CNTLN: variants seen among roughly 807,000 people sequenced by gnomAD.
CNTLN encodes the protein centlein, centrosomal protein.
Under a neutral mutation model 180.0 loss-of-function variants are expected in CNTLN, and 212 were observed. That is an observed-to-expected ratio of 1.18 (90% CI 1.05 to 1.32). CNTLN has a LOEUF of 1.32. Among genes scored for constraint, CNTLN ranks in the 40% most tolerant of loss-of-function variants. CNTLN has a pLI of 0.00. For synonymous variants in CNTLN, 722 were observed against 563.1 expected, an observed-to-expected ratio of 1.28 and a Z score of -3.99; for missense variants, 2,095 against 1,610.9, an observed-to-expected ratio of 1.30 and a Z score of -5.14.
chr9:17,298,889 C>T, intron 7 of CNTLN: 1 of 985,318 alleles, frequency 1.0e-6, no homozygotes, highest in Non-Finnish European at 1.2e-6. Flanking sequence ...AGAAGGTTTA[C>T]CCAAGTATTT....
chr9:17,506,554 G>A (rs1833935735), downstream of CNTLN, among the ~76,000 whole-genome samples: 1 of 152,004 alleles, frequency 6.6e-6, no homozygotes, highest in African/African-American at 2.4e-5. Context: ...ATTCTTCAAC[G>A]CTAGCCCTTA....
Position 17,298,263 on chromosome 9 carries a change from C to A in CNTLN, c.1057C>A (p.Gln353Lys). Residue 353 changes from glutamine to lysine, a missense_variant, in exon 7 of 26, where the codon CAG (glutamine) becomes AAG (lysine). By Grantham distance (53) the Gln-to-Lys change is moderately conservative (BLOSUM62 1). Transcript: ENST00000380647. ...TACAGCCCAGCAAGCAGAGCTGATC[C>A]AGCAGCTTCAGGTTCTCAATATGGA... ...THTAQQAELI[Q>K]QLQVLNMDTQ... The A allele has an allele frequency of 6.2e-7, 1 of 1,613,310 alleles. No homozygotes were observed. Among genetic ancestry groups the A allele is most frequent in the African/African-American group, 1.3e-5 (1 of 74,992 alleles).
chr9:17,402,866 C>T (rs1827089811), intron 15 of CNTLN, among the ~76,000 whole-genome samples: 1 of 151,642 alleles, frequency 6.6e-6, no homozygotes, highest in South Asian at 2.1e-4. Flanking sequence ...TTTGGACTTC[C>T]TAGCCTTCAC....
In CNTLN at chr9:17,394,975, C is replaced by T. The variant is rs200206318; in HGVS notation, c.2521C>T (p.Arg841Cys). Residue 841 changes from arginine (R) to cysteine (C), a missense_variant, in exon 15 of 26, where the codon CGT (arginine) becomes TGT (cysteine). Arg to Cys is a radical substitution (Grantham distance 180, BLOSUM62 -3). Coordinates refer to ENST00000380647, the MANE Select transcript of CNTLN (RefSeq NM_017738.4). Reference sequence around the variant, plus strand: ...TGCGAAGAAAAATTGCTCTGTGGGTCGTCACCACACTGTTCTCAATCATTC... The same window carrying T: ...TGCGAAGAAAAATTGCTCTGTGGGTTGTCACCACACTGTTCTCAATCATTC... The part of the protein sequence containing the change: ...KAAKKNCSVG[R>C]HHTVLNHSIK... 690 of 1,613,698 alleles carry T rather than the reference C, an allele frequency of 4.3e-4. 2 individuals carry two copies. Among genetic ancestry groups the T allele is most frequent in the Admixed American group, 5.3e-4 (32 of 60,004 alleles).
chr9:17,358,756 A>T (rs1191875854), intron 12 of CNTLN, among the ~76,000 whole-genome samples: 1 of 152,222 alleles, frequency 6.6e-6, no homozygotes, highest in African/African-American at 2.4e-5. Context: ...GCACATATAC[A>T]AGAATGCTCA....
chr9:17,365,171 C>T (rs887420718), intron 12 of CNTLN, among the ~76,000 whole-genome samples: 1 of 152,138 alleles, frequency 6.6e-6, no homozygotes, highest in African/African-American at 2.4e-5. Flanking sequence ...GTGACTTGAT[C>T]ATGTGGGCGG....
At chr9:17,211,502 TTG>T (rs1823308708) in intron 2 of CNTLN, among the ~76,000 whole-genome samples, 1 of 152,200 alleles carries the variant, frequency 6.6e-6, no homozygotes, top group African/African-American at 2.4e-5. Context: ...TCCTCCAGCT[TTG>T]TTCTTTTGGC....
At chr9:17,510,958 T>C in the CNTLN span, among the ~76,000 whole-genome samples, 1 of 152,220 alleles carries the variant, frequency 6.6e-6, no homozygotes, top group Non-Finnish European at 1.5e-5. Flanking sequence ...CAAAAGTGTT[T>C]TCTAGGGTAG....
At chr9:17,364,526 TTCTTTA>T (rs1214078660) in intron 12 of CNTLN, among the ~76,000 whole-genome samples, 2 of 152,192 alleles carry the variant, frequency 1.3e-5, no homozygotes, top group African/African-American at 2.4e-5. Flanking sequence ...TGTTTATCAC[TTCTTTA>T]TCTTTTTAAA....
At position 17,342,421 on chromosome 9, in the gene CNTLN, A is replaced by T. The variant is rs187296474; in HGVS notation, c.1863A>T (p.Glu621Asp). The T allele has an allele frequency of 4.0e-5, 65 of 1,607,258 alleles. No homozygotes were observed. In the Admixed American group the frequency reaches 9.0e-4, roughly 22 times the overall value. The change falls in exon 12 of 26, where the codon GAA becomes GAT. Residue 621 changes from glutamate (E) to aspartate (D), a missense_variant. Glu to Asp is a conservative substitution (Grantham distance 45). Transcript: ENST00000380647. ...VWNELAYFKRENQELMIQKMN... is the reference protein window; with the variant it reads ...VWNELAYFKRDNQELMIQKMN... Reference sequence around the variant, plus strand: ...ATGAACTGGCATATTTCAAAAGGGAAAACCAGGAGCTAATGATTCAAAAGT... The same window carrying T: ...ATGAACTGGCATATTTCAAAAGGGATAACCAGGAGCTAATGATTCAAAAGT...
Position 17,135,121 on chromosome 9 carries a change from G to A in CNTLN, c.56G>A (p.Gly19Asp). Residue 19 changes from glycine (G) to aspartate (D), a missense_variant, in exon 1 of 26, where the codon GGC (glycine) becomes GAC (aspartate). Physicochemically the swap from Gly to Asp is moderately conservative, Grantham distance 94 (BLOSUM62 -1). Coordinates refer to ENST00000380647, the MANE Select transcript of CNTLN (RefSeq NM_017738.4). ...CCTTCGCCCCCAGCGCGACAGCTGG[G>A]CCCCAGGTCCCCACGTGTTGGGCGG... Reference protein sequence around the residue: ...PHPSPPARQLGPRSPRVGRGA... With the variant: ...PHPSPPARQLDPRSPRVGRGA... The A allele has an allele frequency of 6.2e-7, 1 of 1,606,608 alleles. No individual in the cohort carries two copies. Among genetic ancestry groups the A allele is most frequent in the Non-Finnish European group, 8.5e-7 (1 of 1,177,830 alleles).
At chr9:17,163,636 A>T (rs1271798042) in intron 2 of CNTLN, among the ~76,000 whole-genome samples, 3 of 152,234 alleles carry the variant, frequency 2.0e-5, no homozygotes, top group African/African-American at 7.2e-5. Flanking sequence ...GAATAAATGA[A>T]TGAATAACTG....
Position 17,502,632 on chromosome 9 carries a change from A to G in CNTLN, c.4201A>G (p.Ile1401Val). 1.5e-6 allele frequency: 2 copies of G among 1,304,264 alleles called. No individual in the cohort carries two copies. Among genetic ancestry groups the G allele is most frequent in the South Asian group, 1.4e-5 (1 of 72,832 alleles). The allele number at this position is 1,304,264 out of a possible 1,614,324, so 80.8% of individuals were successfully genotyped here. The change falls in exon 26 of 26, where the codon ATT becomes GTT. Residue 1401 changes from isoleucine to valine, a missense_variant. Coordinates refer to ENST00000380647, the MANE Select transcript of CNTLN (RefSeq NM_017738.4). Reference protein sequence around the residue: ...KKKLVEGYFTIMKDIR With the variant: ...KKKLVEGYFTVMKDIR Reference sequence around the variant, plus strand: ...GAAACTAGTTGAAGGATATTTCACAATTATGAAAGATATTAGATGATATTA... The same window carrying G: ...GAAACTAGTTGAAGGATATTTCACAGTTATGAAAGATATTAGATGATATTA...
intron 8 of CNTLN, among the ~76,000 whole-genome samples, chr9:17,312,367 T>TATATATATATATATATATA (rs1819230745): frequency 8.2e-4 from 9 of 10,960 alleles, no homozygotes; most frequent in Admixed American, 2.5e-3. Flanking sequence ...ATATATATTA[T>TATATATATATATATATATA]ATATATATAT....
chr9:17,464,447 C>T (rs746799318), intron 20 of CNTLN, 50 bp from the exon 21 acceptor site: 2 of 1,471,120 alleles, frequency 1.4e-6, no homozygotes, highest in East Asian at 2.6e-5. Flanking sequence ...GATATCACCA[C>T]TGTTAAGGTA....
intron 2 of CNTLN, among the ~76,000 whole-genome samples, chr9:17,187,663 C>T (rs1821516401): frequency 6.6e-6 from 1 of 151,608 alleles, no homozygotes. Flanking sequence ...CTTTATTTTT[C>T]AATGCCTGTG....
intron 18 of CNTLN, among the ~76,000 whole-genome samples, chr9:17,443,344 T>C (rs1830217510): frequency 6.6e-6 from 1 of 152,198 alleles, no homozygotes; most frequent in South Asian, 2.1e-4. Flanking sequence ...ATAGGACTCA[T>C]ATTCACCAGC....
At chr9:17,432,394 A>G (rs527444814) in intron 18 of CNTLN, among the ~76,000 whole-genome samples, 1 of 152,336 alleles carries the variant, frequency 6.6e-6, no homozygotes, top group East Asian at 1.9e-4. Flanking sequence ...GTAATTACAT[A>G]CAGGAGAAGA....
chr9:17,162,381 T>C (rs1819744167), intron 2 of CNTLN, among the ~76,000 whole-genome samples: 1 of 152,216 alleles, frequency 6.6e-6, no homozygotes, highest in Admixed American at 6.5e-5. Context: ...CCCAAAGTGC[T>C]GGGATTACAG....
Sources: gnomAD v4.1 joint callset for allele counts (sites outside exome capture counted in the v4.1 genomes callset) on GRCh38, gnomAD v4.1.1 for gene constraint, MANE v1.5 for transcripts, NCBI Gene and HGNC (gene_info 2026-07-23, HGNC 2026-07-21) for gene names.